MTMR3: variants seen among roughly 807,000 people sequenced by gnomAD.
MTMR3 encodes the protein phosphatidylinositol-3,5-bisphosphate 3-phosphatase MTMR3.
Under a neutral mutation model 132.4 loss-of-function variants are expected in MTMR3, and 32 were observed. The ratio of observed to expected loss-of-function variants is 0.24; its 90% CI spans 0.18 to 0.32. The LOEUF (loss-of-function observed/expected upper bound fraction) is 0.32. MTMR3 is among the 10% of genes least tolerant of loss of function. MTMR3 has a pLI of 1.00. For synonymous variants in MTMR3, 556 were observed against 550.3 expected (o/e 1.01, Z -0.14); for missense variants, 1,216 against 1,489.6 (o/e 0.82, Z 3.02).
chr22:29,938,351 T>C (rs539331411), intron 1 of MTMR3, among the ~76,000 whole-genome samples: 5 of 152,336 alleles, frequency 3.3e-5, no homozygotes, highest in East Asian at 1.9e-4. Flanking sequence ...TAATTTTCGC[T>C]TTGTCATAAA....
chr22:29,959,158 C>T (rs1425094255), intron 2 of MTMR3, among the ~76,000 whole-genome samples: 1 of 152,082 alleles, frequency 6.6e-6, no homozygotes, highest in Non-Finnish European at 1.5e-5. Context: ...TGTTGGTTTG[C>T]TTCTGTAAAG....
rs772547266 is a variant in MTMR3 at position 29,991,587 on chromosome 22, A to G, written c.377A>G (p.Asp126Gly). 8 of 1,613,994 alleles carry G rather than the reference A, an allele frequency of 5.0e-6. No homozygotes were observed. The highest frequency in any genetic ancestry group is 1.6e-4 in the Middle Eastern group (1 of 6,084). The change falls in exon 7 of 20, where the codon GAT becomes GGT. Residue 126 changes from aspartate (D) to glycine (G), a missense_variant. This residue lies in a region of MTMR3 where 129 missense variants were observed against 245.7 expected (regional missense o/e 0.53). Coordinates refer to ENST00000401950, the MANE Select transcript of MTMR3 (RefSeq NM_021090.4). ...ATCCGACCACCTGCTAAAATAGAAG[A>G]TCTCTTCTCATTTGCATACCATGCT... is the stretch of plus-strand genomic sequence containing the variant. The part of the protein sequence containing the change: ...NAIRPPAKIE[D>G]LFSFAYHAWC...
intron 1 of MTMR3, among the ~76,000 whole-genome samples, chr22:29,912,314 A>G (rs1458892565): frequency 6.6e-6 from 1 of 152,108 alleles, no homozygotes; most frequent in East Asian, 1.9e-4. Flanking sequence ...ATGAATGACA[A>G]AGTCTCGCTT....
intron 1 of MTMR3, among the ~76,000 whole-genome samples, chr22:29,954,543 T>C (rs5763634): frequency 0.78 from 119,193 of 152,150 alleles, 47,130 homozygotes; most frequent in East Asian, 0.92. Flanking sequence ...GCCCACCTAC[T>C]CGAACCTTTT....
chr22:30,015,006 C>T lies in MTMR3; in HGVS notation c.1503+1465C>T, dbSNP rs536326614. On this transcript the variant is annotated intron_variant, in intron 14 of 19. Coordinates refer to ENST00000401950, the MANE Select transcript of MTMR3 (RefSeq NM_021090.4). Reference sequence around the variant, plus strand: ...TCTAAGTTACTACTAGGTATCTCCACTTGGCTGTCTTAATGTTGATTCAGA... The same window carrying T: ...TCTAAGTTACTACTAGGTATCTCCATTTGGCTGTCTTAATGTTGATTCAGA... 4 of 152,320 alleles carry T rather than the reference C, an allele frequency of 2.6e-5. No homozygotes were observed. In the South Asian group the frequency reaches 8.3e-4, roughly 32 times the overall value. The allele number at this position is 152,320 out of a possible 1,614,324, so 9.4% of individuals were successfully genotyped here.
intron 1 of MTMR3, among the ~76,000 whole-genome samples, chr22:29,928,353 G>A (rs1723042600): frequency 6.6e-6 from 1 of 151,690 alleles, no homozygotes; most frequent in Non-Finnish European, 1.5e-5. Context: ...TGTATTTTTA[G>A]TAGAGACGGG....
At chr22:29,999,730 ATT>A (rs1227479790) in intron 8 of MTMR3, 2 of 152,232 alleles carry the variant, frequency 1.3e-5, no homozygotes, top group Admixed American at 6.5e-5. Flanking sequence ...TGTAACCTTT[ATT>A]TGGCTGGACA....
intron 1 of MTMR3, among the ~76,000 whole-genome samples, chr22:29,905,593 G>A (rs1431000118): frequency 2.6e-5 from 4 of 152,272 alleles, no homozygotes; most frequent in Non-Finnish European, 4.4e-5. Context: ...CTTTCCTTTG[G>A]ATAAGGTACT....
At chr22:29,986,474 T>C (rs1458265864) in intron 5 of MTMR3, 1 of 669,198 alleles carries the variant, frequency 1.5e-6, no homozygotes, top group Non-Finnish European at 1.8e-6. Context: ...CTTTATAGTT[T>C]TATCTCTGAT....
At chr22:29,980,105 A>C (rs1297955670) in intron 5 of MTMR3, 1 of 152,148 alleles carries the variant, frequency 6.6e-6, no homozygotes, top group Non-Finnish European at 1.5e-5. Flanking sequence ...ACGTTAAAAC[A>C]GCTCAGGACT....
In MTMR3 at chr22:30,020,435, C is replaced by A; in HGVS notation, c.2776C>A (p.Leu926Ile). The A allele has an allele frequency of 6.2e-7, 1 of 1,614,190 alleles. No homozygotes were observed. Among genetic ancestry groups the A allele is most frequent in the Non-Finnish European group, 8.5e-7 (1 of 1,180,032 alleles). ...ALPLAECKEG[L>I]VCNGAPETEN... Reference sequence around the variant, plus strand: ...GCCTTTAGCCGAATGTAAAGAGGGGCTTGTGTGCAATGGTGCCCCAGAGAC... The same window carrying A: ...GCCTTTAGCCGAATGTAAAGAGGGGATTGTGTGCAATGGTGCCCCAGAGAC... Residue 926 changes from leucine (L) to isoleucine (I), a missense_variant, in exon 17 of 20, where the codon CTT (leucine) becomes ATT (isoleucine). Coordinates refer to ENST00000401950, the MANE Select transcript of MTMR3 (RefSeq NM_021090.4).
At chr22:30,014,877 C>T (rs140651580) in intron 14 of MTMR3, 3 of 152,310 alleles carry the variant, frequency 2.0e-5, no homozygotes, top group Non-Finnish European at 4.4e-5. Flanking sequence ...ATCCACACTT[C>T]CAAGTATTTC....
intron 2 of MTMR3, among the ~76,000 whole-genome samples, chr22:29,962,917 T>G (rs1011889506): frequency 6.7e-6 from 1 of 150,010 alleles, no homozygotes; most frequent in Non-Finnish European, 1.5e-5. Context: ...TTTCTTTTTT[T>G]TTTTTTTTTG....
At position 30,007,336 on chromosome 22, in the gene MTMR3, A is replaced by G; in HGVS notation, c.877+17A>G. Reference sequence around the variant, plus strand: ...TGGAGTTCGGTAAGGTGCTCCCTGGACCCATGGCAATGATTTTTATAGCAT... The same window carrying G: ...TGGAGTTCGGTAAGGTGCTCCCTGGGCCCATGGCAATGATTTTTATAGCAT... On this transcript the variant is annotated intron_variant, in intron 10 of 19. Coordinates refer to ENST00000401950, the MANE Select transcript of MTMR3 (RefSeq NM_021090.4). 1.9e-6 allele frequency: 3 copies of G among 1,610,412 alleles called. No homozygotes were observed. Among genetic ancestry groups the G allele is most frequent in the Non-Finnish European group, 1.7e-6 (2 of 1,176,980 alleles).
chr22:29,941,566 G>A (rs554145569), intron 1 of MTMR3, among the ~76,000 whole-genome samples: 213 of 151,896 alleles, frequency 1.4e-3, no homozygotes, highest in Admixed American at 3.1e-3. Flanking sequence ...ACCAACATTT[G>A]CTCTTGCCAG....
chr22:29,936,787 C>T (rs1045857542), intron 1 of MTMR3, among the ~76,000 whole-genome samples: 2 of 152,078 alleles, frequency 1.3e-5, no homozygotes, highest in African/African-American at 2.4e-5. Context: ...TGTAAATTCT[C>T]TGTATTTTCT....
chr22:29,996,727 T>G (rs886434147), intron 7 of MTMR3: 8 of 152,244 alleles, frequency 5.3e-5, no homozygotes, highest in Non-Finnish European at 8.8e-5. Flanking sequence ...TTTTGTTTTG[T>G]TTTTTTCCCC....
intron 1 of MTMR3, among the ~76,000 whole-genome samples, chr22:29,909,977 A>T (rs1311541808): frequency 1.3e-5 from 2 of 151,938 alleles, no homozygotes; most frequent in African/African-American, 4.8e-5. Context: ...AACACGGTGA[A>T]ACCCCGTCTC....
rs1013877334 is a variant in MTMR3 at position 29,940,379 on chromosome 22, C to T, written c.-137-16657C>T. Reference sequence around the variant, plus strand: ...CCTAATTCCACTGCCTATCCCAAACCTGTAAGAACTAATGATAATCCTACC... The same window carrying T: ...CCTAATTCCACTGCCTATCCCAAACTTGTAAGAACTAATGATAATCCTACC... On this transcript the variant is annotated intron_variant, in intron 1 of 19. Coordinates refer to ENST00000401950, the MANE Select transcript of MTMR3 (RefSeq NM_021090.4). Among the ~76,000 whole-genome samples, 10 of 139,994 alleles carry T rather than the reference C, an allele frequency of 7.1e-5. 2 individuals carry two copies. The highest frequency in any genetic ancestry group is 3.3e-4 in the African/African-American group (10 of 29,964). 91.8% of individuals were successfully genotyped at this position (139,994 alleles called of 152,430 possible). A position where few individuals can be genotyped will look rare whatever the true frequency, so the allele number is the denominator to read the frequency against.
Sources: gnomAD v4.1 joint callset for allele counts (sites outside exome capture counted in the v4.1 genomes callset) on GRCh38, gnomAD v4.1.1 for gene constraint, gnomAD v4.1.1 regional missense constraint, MANE v1.5 for transcripts, NCBI Gene and HGNC (gene_info 2026-07-23, HGNC 2026-07-21) for gene names.